Variants in MYH14 observed in about 807,000 individuals in gnomAD.
The protein encoded by MYH14 is myosin heavy chain 14.
MYH14 carries 123 observed loss-of-function variants against 255.5 expected under a neutral mutation model. The observed-to-expected ratio is 0.48, with a 90% confidence interval of 0.42 to 0.56. The LOEUF is 0.56. Among genes scored for constraint, MYH14 ranks in the 20% least tolerant of loss-of-function variants. The pLI, the probability that MYH14 is intolerant of heterozygous loss-of-function variation, is 0.00. For missense variants in MYH14, 2,423 were observed against 2,802.3 expected (o/e 0.86, Z 3.06); for synonymous variants, 1,095 against 1,161.2 (o/e 0.94, Z 1.16).
chr19:50,224,046 T>TCCTCCCCCCCC, intron 5 of MYH14, 108 bp from the exon 6 acceptor site: 1 of 504,360 alleles, frequency 2.0e-6, no homozygotes. Flanking sequence ...CAGTCCCCCT[T>TCCTCCCCCCCC]CCCCCACCCC....
Position 50,276,619 on chromosome 19 carries a change from A to G in MYH14, c.3681-138A>G, listed in dbSNP as rs2035516321. ...GCCACACTCCTTCCACAGCATCACC[A>G]CCCAGATCTCCTGAGGAGCATAACA... On this transcript the variant is annotated intron_variant, in intron 28 of 42. Coordinates refer to ENST00000642316, the MANE Select transcript of MYH14 (RefSeq NM_001145809.2). The surrounding 1 kb of genome is among the most constrained non-coding windows in gnomAD (Gnocchi z 4.3). 2.7e-6 allele frequency: 3 copies of G among 1,106,110 alleles called. No homozygotes were observed. Among genetic ancestry groups the G allele is most frequent in the South Asian group, 2.9e-5 (2 of 68,716 alleles). The allele number at this position is 1,106,110 out of a possible 1,614,324, so 68.5% of individuals were successfully genotyped here.
chr19:50,231,468 G>A (rs1441704593), intron 9 of MYH14, among the ~76,000 whole-genome samples: 2 of 152,234 alleles, frequency 1.3e-5, no homozygotes, highest in African/African-American at 2.4e-5. Flanking sequence ...AGTACTTTGG[G>A]AGGGTGAGGC....
chr19:50,282,721 T>TA (rs1197028145), intron 33 of MYH14, among the ~76,000 whole-genome samples: 6 of 152,114 alleles, frequency 3.9e-5, no homozygotes, highest in South Asian at 4.1e-4. Context: ...AATAAAAAAT[T>TA]AAAAAAAATT....
chr19:50,307,061 C>T lies in MYH14; in HGVS notation c.5691C>T (p.Leu1897=), dbSNP rs1170442510. ...TCCCTCTCTTCAGAGAGCGCATCCT[C>T]TCTGGAAAGCTGGTGCGCAGAGCTG... ...QLEQETRERI[L]SGKLVRRAEK... is the part of the protein sequence containing the mutation. Residue 1897 remains leucine (L), a synonymous_variant, in exon 41 of 43, where the codon CTC becomes CTT. Coordinates refer to ENST00000642316, the MANE Select transcript of MYH14 (RefSeq NM_001145809.2). 6.4e-7 allele frequency: 1 copy of T among 1,550,942 alleles called. No individual in the cohort carries two copies. The highest frequency in any genetic ancestry group is 1.2e-5 in the South Asian group (1 of 84,046).
rs764718191 is a variant in MYH14 at position 50,261,511 on chromosome 19, G to A, written c.2461G>A (p.Val821Met). 7 of 1,529,698 alleles carry A rather than the reference G, an allele frequency of 4.6e-6. No individual in the cohort carries two copies. The highest frequency in any genetic ancestry group is 2.3e-5 in the South Asian group (2 of 85,998). The allele number at this position is 1,529,698 out of a possible 1,614,324, so 94.8% of individuals were successfully genotyped here. Residue 821 changes from valine to methionine, a missense_variant, in exon 21 of 43, where the codon GTG becomes ATG. By Grantham distance (21) the Val-to-Met change is conservative (BLOSUM62 1). Around this residue, in one of 3 missense-constraint regions of MYH14, gnomAD observed 1,513 missense variants for 1,674.8 expected, o/e 0.90. Transcript: ENST00000642316. ...GGAACTGGACCCCAACCTCTACCGCGTGGGACAGAGCAAGATCTTCTTCCG... is the reference window on the plus strand; with the variant it reads ...GGAACTGGACCCCAACCTCTACCGCATGGGACAGAGCAAGATCTTCTTCCG... ...ALELDPNLYR[V>M]GQSKIFFRAG...
chr19:50,292,147 G>A lies in MYH14; in HGVS notation c.5128-114G>A, dbSNP rs143020583. The A allele has an allele frequency of 5.0e-4, 580 of 1,160,398 alleles. 5 individuals are homozygous for A. The African/African-American group carries it at 8.8e-3, about 18-fold the overall frequency. 71.9% of individuals were successfully genotyped at this position (1,160,398 alleles called of 1,614,324 possible). ...AGCCCAGGTCTGCAGGGTTCGGAGAGTTCCCTGCTTGTTCACGGGAGCTGA... is the reference window on the plus strand; with the variant it reads ...AGCCCAGGTCTGCAGGGTTCGGAGAATTCCCTGCTTGTTCACGGGAGCTGA... On this transcript the variant is annotated intron_variant, in intron 36 of 42. Transcript: ENST00000642316.
At chr19:50,214,371 G>C (rs966284340) in intron 2 of MYH14, among the ~76,000 whole-genome samples, 1 of 152,182 alleles carries the variant, frequency 6.6e-6, no homozygotes, top group Admixed American at 6.6e-5. Context: ...GTGTTGTCCA[G>C]TGAAAAGTGG....
chr19:50,210,130 A>T (rs2032088912), intron 1 of MYH14, among the ~76,000 whole-genome samples: 1 of 109,818 alleles, frequency 9.1e-6, no homozygotes, highest in Admixed American at 1.0e-4. Flanking sequence ...AAAAAAAAAG[A>T]ACTGACCCTC....
At chr19:50,281,211 C>T (rs1183949514) in intron 32 of MYH14, among the ~76,000 whole-genome samples, 2 of 152,196 alleles carry the variant, frequency 1.3e-5, no homozygotes, top group East Asian at 1.9e-4. Flanking sequence ...CTCAAATGCT[C>T]CTCCTTCAGG....
chr19:50,230,244 C>A lies in MYH14; in HGVS notation c.875-281C>A, dbSNP rs538356523. On this transcript the variant is annotated intron_variant, in intron 8 of 42. Coordinates refer to ENST00000642316, the MANE Select transcript of MYH14 (RefSeq NM_001145809.2). The surrounding 1 kb of genome is among the most constrained non-coding windows in gnomAD (Gnocchi z 4.7). Reference sequence around the variant, plus strand: ...TGAGTTTTTTAGAGACAGAGCAAGACCCTGTCTCTAAAAAGAGAGAGAGAG... The same window carrying A: ...TGAGTTTTTTAGAGACAGAGCAAGAACCTGTCTCTAAAAAGAGAGAGAGAG... Among the ~76,000 whole-genome samples, 1 of 152,002 alleles carries A rather than the reference C, an allele frequency of 6.6e-6. No individual in the cohort carries two copies. The highest frequency in any genetic ancestry group is 2.1e-4 in the South Asian group (1 of 4,826).
intron 33 of MYH14, among the ~76,000 whole-genome samples, chr19:50,284,004 G>A (rs1329986787): frequency 2.0e-5 from 3 of 151,850 alleles, no homozygotes; most frequent in East Asian, 3.9e-4. Flanking sequence ...TCTGGGAGGC[G>A]GAGGTTGTGG....
chr19:50,246,012 C>A (rs2123290411), intron 11 of MYH14, among the ~76,000 whole-genome samples: 1 of 136,404 alleles, frequency 7.3e-6, no homozygotes, highest in East Asian at 2.4e-4. Context: ...TACTGGGATT[C>A]CCTCGCTCCC....
chr19:50,275,552 C>T (rs769712187), intron 27 of MYH14, among the ~76,000 whole-genome samples: 2 of 152,176 alleles, frequency 1.3e-5, no homozygotes. Context: ...TCAGGCTGGG[C>T]GAAGTGGCTC....
chr19:50,279,807 C>T (rs576520373), intron 30 of MYH14, among the ~76,000 whole-genome samples: 6 of 152,288 alleles, frequency 3.9e-5, no homozygotes, highest in South Asian at 2.1e-4. Context: ...CATTCCGGTA[C>T]GAGTTTCTGC....
chr19:50,256,127 A>G (rs1373202542), intron 17 of MYH14, among the ~76,000 whole-genome samples: 1 of 151,910 alleles, frequency 6.6e-6, no homozygotes, highest in Non-Finnish European at 1.5e-5. Flanking sequence ...AATAAATTTA[A>G]AAATTGGTGG....
chr19:50,239,004 T>C (rs1318991945), intron 10 of MYH14, among the ~76,000 whole-genome samples: 1 of 151,696 alleles, frequency 6.6e-6, no homozygotes, highest in African/African-American at 2.4e-5. Context: ...TCCCCCAACC[T>C]CCAAAAAAAA....
chr19:50,309,673 G>A lies in MYH14; in HGVS notation c.5994G>A (p.Val1998=), dbSNP rs1420087587. ...RGPLTFTTRT[V]RQVFRLEEGV... is the part of the protein sequence containing the mutation. ...CCCTCACCTTCACCACCCGCACGGT[G>A]CGCCAGGTCTTCCGACTAGAGGAGG... Residue 1998 remains valine (V), a synonymous_variant, in exon 43 of 43, where the codon GTG becomes GTA. Coordinates refer to ENST00000642316, the MANE Select transcript of MYH14 (RefSeq NM_001145809.2). 1.2e-6 allele frequency: 2 copies of A among 1,609,678 alleles called. No individual in the cohort carries two copies. Among genetic ancestry groups the A allele is most frequent in the Non-Finnish European group, 1.7e-6 (2 of 1,178,682 alleles).
chr19:50,255,236 G>A lies in MYH14; in HGVS notation c.1962G>A (p.Gln654=), dbSNP rs921726471. 1.9e-6 allele frequency: 3 copies of A among 1,551,388 alleles called. No individual in the cohort carries two copies. The Admixed American group carries it at 5.9e-5, about 30-fold the overall frequency. The change falls in exon 17 of 43, where the codon CAG becomes CAA. Residue 654 remains glutamine (Q), a synonymous_variant. Transcript: ENST00000642316. ...ACTCCCCAGAACATGGGGGCTTCCA[G>A]CAGTTCTCTTTCCTTGGCTCCTTCC... ...EIWKDEHGGF[Q]QFSFLGSFPP...
In MYH14 at chr19:50,293,262, G is replaced by C; in HGVS notation, c.5286G>C (p.Arg1762=). Residue 1762 remains arginine, a synonymous_variant, in exon 38 of 43, where the codon CGG becomes CGC. Transcript: ENST00000642316. The surrounding 1 kb of genome is among the most constrained non-coding windows in gnomAD (Gnocchi z 4.1). ...TGGCCGCCTCGGACCGTGCTCGGCG[G>C]CAGGCCCAGCAGGACCGGGATGAGA... ...EELAASDRAR[R]QAQQDRDEMA... 6.2e-7 allele frequency: 1 copy of C among 1,609,078 alleles called. No homozygotes were observed. Among genetic ancestry groups the C allele is most frequent in the Non-Finnish European group, 8.5e-7 (1 of 1,178,074 alleles).
Sources: gnomAD v4.1 joint callset for allele counts (sites outside exome capture counted in the v4.1 genomes callset) on GRCh38, gnomAD v4.1.1 for gene constraint, gnomAD v4.1.1 regional missense constraint, Gnocchi (gnomAD v3.1) non-coding constraint, MANE v1.5 for transcripts, NCBI Gene and HGNC (gene_info 2026-07-23, HGNC 2026-07-21) for gene names.